EBF4: variants seen among roughly 807,000 people sequenced by gnomAD.
EBF4 encodes the protein transcription factor COE4.
In EBF4, 34 loss-of-function variants were observed where a neutral mutation model predicts 67.1. The observed-to-expected ratio is 0.51, with a 90% confidence interval of 0.39 to 0.67. The LOEUF is 0.67. Ranked by LOEUF, EBF4 falls within the 30% of genes least tolerant of loss-of-function variation. The pLI is 0.00. For missense variants in EBF4, 837 were observed against 873.3 expected (o/e 0.96, Z 0.52); for synonymous variants, 387 against 377.7 (o/e 1.02, Z -0.29).
rs568721216 is a variant in EBF4, at chr20:2,739,165, C to T, written c.558-9384C>T. Among the ~76,000 whole-genome samples the T allele has an allele frequency of 6.6e-6, 1 of 152,272 alleles. No homozygotes were observed. The highest frequency in any genetic ancestry group is 2.4e-5 in the African/African-American group (1 of 41,544). On this transcript the variant is annotated intron_variant, in intron 6 of 16. Transcript: ENST00000609451. The surrounding 1 kb of genome is among the most constrained non-coding windows in gnomAD (Gnocchi z 4.5). ...CTTCTCTAGCGTAGGCCCTTTGGTG[C>T]CTGTTTCTGCCTGAAGGGAGACATC...
chr20:2,710,807 TTA>T (rs1404352538), intron 6 of EBF4, among the ~76,000 whole-genome samples: 1 of 152,124 alleles, frequency 6.6e-6, no homozygotes, highest in African/African-American at 2.4e-5. Flanking sequence ...AACAAAATAG[TTA>T]TATGTTCTTT....
chr20:2,755,356 C>T lies in EBF4; in HGVS notation c.1541-271C>T. 1 of 486,140 alleles carries T rather than the reference C, an allele frequency of 2.1e-6. No homozygotes were observed. Among genetic ancestry groups the T allele is most frequent in the South Asian group, 3.3e-5 (1 of 30,668 alleles). The allele number at this position is 486,140 out of a possible 1,614,324, so 30.1% of individuals were successfully genotyped here. ...CATCTCATTTTTGGGGGGTACCTCC[C>T]ACTGTTTGTTTTTTTTGAATGTTCT... On this transcript the variant is annotated intron_variant, in intron 14 of 16. Transcript: ENST00000609451. This position sits in a 1 kb window ranked among gnomAD's most constrained non-coding sequence, Gnocchi z 4.7.
At chr20:2,744,474 T>G (rs930216713) in intron 6 of EBF4, among the ~76,000 whole-genome samples, 44 of 130,100 alleles carry the variant, frequency 3.4e-4, no homozygotes, top group African/African-American at 1.4e-3. Flanking sequence ...TTTCTTTTCT[T>G]TTTTCTTTTT....
chr20:2,715,211 C>G (rs369549591), intron 6 of EBF4, among the ~76,000 whole-genome samples: 234 of 152,052 alleles, frequency 1.5e-3, no homozygotes, highest in African/African-American at 5.4e-3. Context: ...ATTGCATAAT[C>G]CTAAAAAAAG....
At chr20:2,719,593 C>T (rs1004637187) in intron 6 of EBF4, among the ~76,000 whole-genome samples, 2 of 151,948 alleles carry the variant, frequency 1.3e-5, no homozygotes, top group Admixed American at 6.6e-5. Flanking sequence ...TTTGTAGAGA[C>T]GAGGTCTCAC....
chr20:2,697,209 C>T (rs867505828), intron 1 of EBF4, among the ~76,000 whole-genome samples: 1 of 152,032 alleles, frequency 6.6e-6, no homozygotes, highest in Non-Finnish European at 1.5e-5. Flanking sequence ...CTAAGATCAG[C>T]GAGGGAGGCT....
intron 6 of EBF4, among the ~76,000 whole-genome samples, chr20:2,723,445 G>A (rs933018445): frequency 5.9e-5 from 9 of 151,990 alleles, no homozygotes; most frequent in Admixed American, 2.0e-4. Flanking sequence ...CAGCCTCCCG[G>A]GTTCACGCCA....
At position 2,693,614 on chromosome 20, in the gene EBF4, G is replaced by C; in HGVS notation, c.-32G>C. The C allele has an allele frequency of 2.9e-6, 4 of 1,361,552 alleles. No homozygotes were observed. The highest frequency in any genetic ancestry group is 3.8e-6 in the Non-Finnish European group (4 of 1,060,984). The allele number at this position is 1,361,552 out of a possible 1,614,324, so 84.3% of individuals were successfully genotyped here. ...CAGCCTCAGCGGGACCGGATCCGGG[G>C]CGGCGGGGGCGCTCACTCACCGCGC... On this transcript the variant is annotated 5_prime_UTR_variant, in exon 1 of 17. Transcript: ENST00000609451. This position sits in a 1 kb window ranked among gnomAD's most constrained non-coding sequence, Gnocchi z 4.6.
chr20:2,737,108 G>A (rs1015419423), intron 6 of EBF4, among the ~76,000 whole-genome samples: 1 of 150,724 alleles, frequency 6.6e-6, no homozygotes, highest in Non-Finnish European at 1.5e-5. Flanking sequence ...AAATTAGCCG[G>A]GCGTGGTGGC....
At chr20:2,758,839 A>G in intron 15 of EBF4, 70 bp from the exon 16 acceptor site, 3 of 1,369,766 alleles carry the variant, frequency 2.2e-6, no homozygotes, top group South Asian at 2.5e-5. Context: ...TCTCCAGCCC[A>G]GAGAGTGACA....
chr20:2,724,573 T>C (rs1429381362), intron 6 of EBF4, among the ~76,000 whole-genome samples: 1 of 152,250 alleles, frequency 6.6e-6, no homozygotes, highest in Non-Finnish European at 1.5e-5. Context: ...AGTTATTTTT[T>C]ACTTAGTACT....
chr20:2,714,940 A>G (rs1040360922), intron 6 of EBF4, among the ~76,000 whole-genome samples: 2 of 152,204 alleles, frequency 1.3e-5, no homozygotes, highest in Non-Finnish European at 2.9e-5. Context: ...CATTTGAAAA[A>G]TATCTTGTTA....
At chr20:2,750,199 G>C (rs1168736085) in intron 10 of EBF4, among the ~76,000 whole-genome samples, 1 of 151,902 alleles carries the variant, frequency 6.6e-6, no homozygotes, top group African/African-American at 2.4e-5. Context: ...TGGCTCCTTA[G>C]TCCCTTCCCC....
chr20:2,730,877 T>G (rs2087804697), intron 6 of EBF4, among the ~76,000 whole-genome samples: 1 of 152,134 alleles, frequency 6.6e-6, no homozygotes, highest in Admixed American at 6.5e-5. Context: ...CTCATTTCCC[T>G]CCTACCAGCC....
At chr20:2,709,437 C>G in intron 5 of EBF4, 137 bp from the exon 6 acceptor site, 1 of 737,420 alleles carries the variant, frequency 1.4e-6, no homozygotes, top group Non-Finnish European at 2.0e-6. Flanking sequence ...GGAGTGAGCC[C>G]CTCCAGCCCA....
chr20:2,753,688 C>G (rs535542654), intron 14 of EBF4, among the ~76,000 whole-genome samples: 1 of 152,236 alleles, frequency 6.6e-6, no homozygotes. Flanking sequence ...TTGCCATTGC[C>G]GAGACTGCAC....
At chr20:2,708,111 CT>C (rs2087485424) in intron 5 of EBF4, 91 bp downstream of exon 5, 5 of 1,334,724 alleles carry the variant, frequency 3.7e-6, no homozygotes, top group South Asian at 1.4e-5. Context: ...GCCCTTGCCC[CT>C]GGCTGCTCTC....
Position 2,752,415 on chromosome 20 carries a change from G to A in EBF4, c.1410G>A (p.Ser470=), listed in dbSNP as rs1160374142. 32 of 1,291,166 alleles carry A rather than the reference G, an allele frequency of 2.5e-5. No individual in the cohort carries two copies. In the South Asian group the frequency reaches 7.0e-4, roughly 28 times the overall value. 80.0% of individuals were successfully genotyped at this position (1,291,166 alleles called of 1,614,324 possible). A position where few individuals can be genotyped will look rare whatever the true frequency, so the allele number is the denominator to read the frequency against. ...GCGGGTTCGCGCCCAGCCCCGGCTC[G>A]CAGCAGAGCGGCTACGGCGGCGGCC... The change falls in exon 14 of 17, where the codon TCG becomes TCA. Residue 470 remains serine (S), a synonymous_variant. Transcript: ENST00000609451.
intron 6 of EBF4, among the ~76,000 whole-genome samples, chr20:2,744,171 C>T (rs916419625): frequency 2.0e-5 from 3 of 151,710 alleles, no homozygotes; most frequent in African/African-American, 7.3e-5. Flanking sequence ...ACCTCCGCCT[C>T]CCGGGTTCAA....
Sources: allele counts gnomAD v4.1 joint callset (sites outside exome capture counted in the v4.1 genomes callset), GRCh38; gene constraint gnomAD v4.1.1; non-coding constraint Gnocchi (gnomAD v3.1); transcripts MANE v1.5; gene names NCBI Gene and HGNC (gene_info 2026-07-23, HGNC 2026-07-21).